The following ANKMY1 variants were observed in gnomAD, a reference collection of about 807,000 sequenced individuals.
ANKMY1 encodes ankyrin repeat and MYND domain containing 1, also known as ankyrin repeat and MYND domain-containing protein 1.
ANKMY1 carries 98 observed loss-of-function variants against 102.0 expected under a neutral mutation model. The observed-to-expected ratio is 0.96, with a 90% CI of 0.82 to 1.14. ANKMY1 has a LOEUF of 1.14. ANKMY1 is among the 50% of genes most tolerant of loss of function. ANKMY1 has a pLI of 0.00. For missense variants in ANKMY1, 1,330 were observed against 1,347.6 expected, an observed-to-expected ratio of 0.99 and a Z score of 0.20; for synonymous variants, 582 against 559.9, an observed-to-expected ratio of 1.04 and a Z score of -0.56.
At chr2:240,502,822 C>G (rs1330079180) in intron 13 of ANKMY1, among the ~76,000 whole-genome samples, 2 of 151,994 alleles carry the variant, frequency 1.3e-5, no homozygotes, top group African/African-American at 2.4e-5. Flanking sequence ...CCTCCAGACC[C>G]TCCCCTCCCA....
chr2:240,547,350 C>T (rs1221109242), intron 4 of ANKMY1, among the ~76,000 whole-genome samples: 12 of 151,938 alleles, frequency 7.9e-5, no homozygotes, highest in East Asian at 1.9e-4. Flanking sequence ...ATCTCTGGGA[C>T]GCATTCAAAG....
chr2:240,516,693 T>C (rs2081274472), intron 9 of ANKMY1, among the ~76,000 whole-genome samples: 1 of 152,236 alleles, frequency 6.6e-6, no homozygotes, highest in South Asian at 2.1e-4. Context: ...CAGGGCTTAC[T>C]TCTTTGGGGG....
intron 4 of ANKMY1, among the ~76,000 whole-genome samples, chr2:240,535,257 G>A (rs2086444837): frequency 6.6e-6 from 1 of 152,148 alleles, no homozygotes; most frequent in Non-Finnish European, 1.5e-5. Context: ...AGTTCAGAAA[G>A]GTGGAACAAA....
chr2:240,509,968 T>C (rs1260926088), intron 11 of ANKMY1, among the ~76,000 whole-genome samples: 6 of 70,236 alleles, frequency 8.5e-5, no homozygotes, highest in African/African-American at 3.4e-4. Context: ...CCTCCCTGCC[T>C]CCCTGACTCC....
At chr2:240,546,114 G>A (rs918268589) in intron 4 of ANKMY1, among the ~76,000 whole-genome samples, 1 of 152,166 alleles carries the variant, frequency 6.6e-6, no homozygotes, top group Non-Finnish European at 1.5e-5. Flanking sequence ...CAGAGAGAAA[G>A]GTCGGGTTAC....
At chr2:240,473,795 G>A in the ANKMY1 span, among the ~76,000 whole-genome samples, 1 of 152,080 alleles carries the variant, frequency 6.6e-6, no homozygotes, top group Non-Finnish European at 1.5e-5. Flanking sequence ...TACAGAAAAA[G>A]TATTTGACAA....
chr2:240,540,852 A>G (rs998387461), intron 4 of ANKMY1, among the ~76,000 whole-genome samples: 2 of 152,210 alleles, frequency 1.3e-5, no homozygotes, highest in African/African-American at 4.8e-5. Flanking sequence ...GAAGTCTCAG[A>G]AGCCCTCCTA....
intron 4 of ANKMY1, among the ~76,000 whole-genome samples, chr2:240,546,180 G>C (rs1389459664): frequency 2.6e-5 from 4 of 152,192 alleles, no homozygotes; most frequent in Non-Finnish European, 5.9e-5. Context: ...AACCCTACAA[G>C]CCAGAAGAGA....
Position 240,553,024 on chromosome 2 carries a change from G to A in ANKMY1, c.370C>T (p.His124Tyr). ...GGCCACATGTAGGTACCCAGGCCAT[G>A]GCAGTGGTCCCGGTAAAACTGCCCA... ...YHGQFYRDHCHGLGTYMWPDG... is the reference protein window; with the variant it reads ...YHGQFYRDHCYGLGTYMWPDG... The change falls in exon 4 of 18, where the codon CAT becomes TAT. Residue 124 changes from histidine to tyrosine, a missense_variant. Physicochemically the swap from His to Tyr is moderately conservative, Grantham distance 83. Transcript: ENST00000401804. 6.2e-7 allele frequency: 1 copy of A among 1,614,106 alleles called. No homozygotes were observed. The highest frequency in any genetic ancestry group is 8.5e-7 in the Non-Finnish European group (1 of 1,180,024).
chr2:240,499,095 G>C lies in ANKMY1; in HGVS notation c.2806+863C>G, dbSNP rs2077702387. 6.6e-6 allele frequency among the ~76,000 whole-genome samples: 1 copy of C among 152,174 alleles called. No individual in the cohort carries two copies. Among genetic ancestry groups the C allele is most frequent in the South Asian group, 2.1e-4 (1 of 4,836 alleles). ...GGGGCGGAGCACTGTGTGCTGGGAA[G>C]GCACCTGGGGTGTTGCTCAGTGGGG... On this transcript the variant is annotated intron_variant, in intron 15 of 17. Transcript: ENST00000401804. This position sits in a 1 kb window ranked among gnomAD's most constrained non-coding sequence, Gnocchi z 4.2.
rs1347274707 is a variant in ANKMY1 at position 240,524,373 on chromosome 2, T to C, written c.1344A>G (p.Pro448=). Residue 448 remains proline, a synonymous_variant, in exon 8 of 18, where the codon CCA becomes CCG. Coordinates refer to ENST00000401804, the MANE Select transcript of ANKMY1 (RefSeq NM_001282771.3). ...AAAGGATTGGAACAACTGGGAATTT[T>C]GGAGGTTCCTTTGGAAAGAACCAAA... ...ERTIPEPQEP[P]KFPVVPILSS... 1 of 1,591,544 alleles carries C rather than the reference T, an allele frequency of 6.3e-7. No homozygotes were observed. The highest frequency in any genetic ancestry group is 1.8e-5 in the Admixed American group (1 of 56,896).
chr2:240,538,165 C>T lies in ANKMY1; in HGVS notation c.481-8656G>A, dbSNP rs1300045779. On this transcript the variant is annotated intron_variant, in intron 4 of 17. Transcript: ENST00000401804. Reference sequence around the variant, plus strand: ...ACTCTCGGCGCCTCCTCTGACTCCGCGTCCGCTCCCGCCGCGCTTGAGGGG... The same window carrying T: ...ACTCTCGGCGCCTCCTCTGACTCCGTGTCCGCTCCCGCCGCGCTTGAGGGG... Among the ~76,000 whole-genome samples, 11 of 152,374 alleles carry T rather than the reference C, an allele frequency of 7.2e-5. No individual in the cohort carries two copies. The East Asian group carries it at 1.7e-3, about 24-fold the overall frequency.
chr2:240,475,048 A>C (rs536889817), downstream of ANKMY1, among the ~76,000 whole-genome samples: 8 of 152,356 alleles, frequency 5.3e-5, no homozygotes, highest in Admixed American at 2.6e-4. Context: ...CCAGCAATGC[A>C]TATGCATTCC....
intron 4 of ANKMY1, among the ~76,000 whole-genome samples, chr2:240,549,707 A>G (rs2091154274): frequency 6.6e-6 from 1 of 152,270 alleles, no homozygotes; most frequent in African/African-American, 2.4e-5. Flanking sequence ...TGGGTGAAGG[A>G]CATGAACAGA....
upstream of ANKMY1, chr2:240,561,000 G>A (rs754396712): frequency 1.3e-6 from 2 of 1,539,260 alleles, no homozygotes; most frequent in East Asian, 2.4e-5. Context: ...CTGCAAGAAC[G>A]GCCGCAGCCG....
intron 5 of ANKMY1, among the ~76,000 whole-genome samples, chr2:240,528,451 C>A (rs765063796): frequency 6.6e-6 from 1 of 152,132 alleles, no homozygotes; most frequent in Non-Finnish European, 1.5e-5. Context: ...CCCAACACCA[C>A]TACTGCCCTG....
intron 4 of ANKMY1, among the ~76,000 whole-genome samples, chr2:240,530,525 C>T (rs60765250): frequency 0.16 from 25,024 of 152,216 alleles, 2,216 homozygotes; most frequent in Middle Eastern, 0.3. Context: ...CCAACATGAC[C>T]GGAAGCTTCT....
At chr2:240,490,672 C>T (rs1249584570) in intron 15 of ANKMY1, among the ~76,000 whole-genome samples, 2 of 152,084 alleles carry the variant, frequency 1.3e-5, no homozygotes, top group Non-Finnish European at 2.9e-5. Context: ...TCTAATTTTA[C>T]TCCATTGTGA....
chr2:240,472,238 C>A, the ANKMY1 span, among the ~76,000 whole-genome samples: 15 of 124,640 alleles, frequency 1.2e-4, no homozygotes, highest in Non-Finnish European at 2.4e-4. Flanking sequence ...CGGCCGCACG[C>A]GGGGAGGCAG....
Sources: allele counts gnomAD v4.1 joint callset (sites outside exome capture counted in the v4.1 genomes callset), GRCh38; gene constraint gnomAD v4.1.1; non-coding constraint Gnocchi (gnomAD v3.1); transcripts MANE v1.5; gene names NCBI Gene and HGNC (gene_info 2026-07-23, HGNC 2026-07-21).